The following MAGT1 variants were observed in gnomAD, a reference collection of about 807,000 sequenced individuals.
The protein encoded by MAGT1 is dolichyl-diphosphooligosaccharide--protein glycosyltransferase subunit MAGT1.
In MAGT1, 4 loss-of-function variants were observed where a neutral mutation model predicts 28.4. The observed-to-expected ratio is 0.14, with a 90% CI of 0.07 to 0.32. The LOEUF (loss-of-function observed/expected upper bound fraction) is 0.32, where lower values mean the gene tolerates loss of function less well. Ranked by LOEUF, MAGT1 falls within the 10% of genes least tolerant of loss-of-function variation. The pLI is 1.00. For synonymous variants in MAGT1, 89 were observed against 89.7 expected, an observed-to-expected ratio of 0.99 and a Z score of 0.04; for missense variants, 193 against 264.5, an observed-to-expected ratio of 0.73 and a Z score of 1.88.
chrX:77,889,748 C>T (rs1197841136), intron 1 of MAGT1, among the ~76,000 whole-genome samples: 3 of 111,377 alleles, frequency 2.7e-5, no homozygotes, highest in Non-Finnish European at 3.8e-5. Flanking sequence ...TCATGTAAAA[C>T]GAGATATCCA....
chrX:77,882,132 T>C (rs947241828), intron 1 of MAGT1, among the ~76,000 whole-genome samples: 1 of 112,174 alleles, frequency 8.9e-6, no homozygotes, highest in African/African-American at 3.2e-5. Context: ...AAATTAGGTA[T>C]AGATGGGACG....
chrX:77,890,812 T>C (rs1406916878), intron 1 of MAGT1, among the ~76,000 whole-genome samples: 1 of 111,681 alleles, frequency 9.0e-6, no homozygotes, highest in Non-Finnish European at 1.9e-5. Flanking sequence ...ATTCTACTGA[T>C]GAGGAAAATG....
chrX:77,851,280 A>G (rs782576562), intron 7 of MAGT1, among the ~76,000 whole-genome samples: 3 of 109,482 alleles, frequency 2.7e-5, no homozygotes, highest in Non-Finnish European at 3.8e-5. Flanking sequence ...CAGTGGCACC[A>G]TCTTGGCTCA....
intron 3 of MAGT1, among the ~76,000 whole-genome samples, chrX:77,867,125 A>G (rs1340970250): frequency 1.5e-5 from 1 of 66,879 alleles, no homozygotes. Context: ...CTGGCTGTGC[A>G]TGAAATACTT....
At chrX:77,863,656 TAC>T (rs1361551102) in intron 3 of MAGT1, among the ~76,000 whole-genome samples, 3 of 112,457 alleles carry the variant, frequency 2.7e-5, no homozygotes, top group African/African-American at 9.7e-5. Flanking sequence ...CCCCCATGTT[TAC>T]TGCAGCACAA....
At chrX:77,839,943 G>A (rs936034453) in intron 8 of MAGT1, among the ~76,000 whole-genome samples, 7 of 110,739 alleles carry the variant, frequency 6.3e-5, no homozygotes, top group African/African-American at 2.3e-4. Context: ...CACTGCGCCC[G>A]GCCAAAACAA....
At chrX:77,855,383 G>A (rs1050479299) in intron 6 of MAGT1, 118 bp downstream of exon 6, 2 of 528,035 alleles carry the variant, frequency 3.8e-6, no homozygotes, top group East Asian at 3.6e-5. Flanking sequence ...TAACACAAGA[G>A]AGATTGAAAA....
chrX:77,853,550 A>G (rs782139697), intron 7 of MAGT1, among the ~76,000 whole-genome samples: 2 of 112,156 alleles, frequency 1.8e-5, no homozygotes, highest in South Asian at 7.3e-4. Context: ...ACACAGCCTT[A>G]CACTGCTTTT....
chrX:77,842,602 G>A (rs1557214497), intron 7 of MAGT1, among the ~76,000 whole-genome samples: 1 of 110,532 alleles, frequency 9.0e-6, no homozygotes, highest in Non-Finnish European at 1.9e-5. Context: ...AGAGGTAGGC[G>A]GATCACCTTA....
In MAGT1 at chrX:77,839,898, C is replaced by T. The variant is rs200926366; in HGVS notation, c.901+1348G>A. 1.5e-4 allele frequency among the ~76,000 whole-genome samples: 17 copies of T among 110,604 alleles called. No homozygotes were observed. The East Asian group carries it at 2.9e-3, about 19-fold the overall frequency. On this transcript the variant is annotated intron_variant, in intron 8 of 9. Transcript: ENST00000618282. Reference sequence around the variant, plus strand: ...CTGACCTCAAGTGATCCACCCGCCTCGGTCTCCCAAAGTGCCAGGATTACT... The same window carrying T: ...CTGACCTCAAGTGATCCACCCGCCTTGGTCTCCCAAAGTGCCAGGATTACT...
intron 1 of MAGT1, among the ~76,000 whole-genome samples, chrX:77,886,406 C>T (rs1328104487): frequency 6.4e-5 from 7 of 109,907 alleles, no homozygotes; most frequent in Non-Finnish European, 9.5e-5. Flanking sequence ...TTTGGGAGGC[C>T]GCTTGAGCCC....
intron 2 of MAGT1, among the ~76,000 whole-genome samples, chrX:77,873,329 T>C (rs973264326): frequency 3.6e-5 from 4 of 112,053 alleles, no homozygotes; most frequent in East Asian, 2.8e-4. Context: ...AAGCTGTCTA[T>C]TCCTTTGCAT....
At chrX:77,885,480 G>A (rs1163044160) in intron 1 of MAGT1, 5 of 104,637 alleles carry the variant, frequency 4.8e-5, no homozygotes, top group East Asian at 3.3e-4. Context: ...CTGAGATCAC[G>A]CCACTGCACT....
At chrX:77,842,219 CCT>C (rs1177160620) in intron 7 of MAGT1, among the ~76,000 whole-genome samples, 1 of 109,054 alleles carries the variant, frequency 9.2e-6, no homozygotes, top group African/African-American at 3.3e-5. Context: ...ATGGTGAGAC[CCT>C]GTTTCTACCA....
At chrX:77,879,438 T>A (rs142308227) in intron 1 of MAGT1, among the ~76,000 whole-genome samples, 1,653 of 112,226 alleles carry the variant, frequency 0.015, 19 homozygotes, top group Non-Finnish European at 0.024. Context: ...AATGTAGAGT[T>A]AATGCTAATT....
intron 3 of MAGT1, chrX:77,868,636 C>T: frequency 3.3e-6 from 1 of 305,998 alleles, no homozygotes; most frequent in Non-Finnish European, 6.3e-6. Context: ...GACTCCATCT[C>T]AAAAAACCTG....
At chrX:77,883,217 G>A (rs1557218681) in intron 1 of MAGT1, among the ~76,000 whole-genome samples, 1 of 104,825 alleles carries the variant, frequency 9.5e-6, no homozygotes, top group African/African-American at 3.4e-5. Context: ...ACATACGTGT[G>A]CATGTGTCTT....
At chrX:77,861,629 G>C (rs1557216481) in intron 3 of MAGT1, among the ~76,000 whole-genome samples, 3 of 112,490 alleles carry the variant, frequency 2.7e-5, no homozygotes, top group African/African-American at 9.7e-5. Flanking sequence ...ATTCACAATA[G>C]CCAAAAGCTG....
intron 1 of MAGT1, among the ~76,000 whole-genome samples, chrX:77,885,045 C>T (rs1418095662): frequency 2.1e-5 from 2 of 93,840 alleles, no homozygotes; most frequent in African/African-American, 8.0e-5. Flanking sequence ...CTGGGTGACA[C>T]AGCGAGACTC....
Sources: gnomAD v4.1 joint callset for allele counts (sites outside exome capture counted in the v4.1 genomes callset) on GRCh38, gnomAD v4.1.1 for gene constraint, MANE v1.5 for transcripts, NCBI Gene and HGNC (gene_info 2026-07-23, HGNC 2026-07-21) for gene names.